Variants in TGFA observed in about 807,000 individuals in gnomAD.
TGFA encodes the protein protransforming growth factor alpha.
In TGFA, 12 loss-of-function variants were observed where a neutral mutation model predicts 21.7. The ratio of observed to expected loss-of-function variants is 0.55; its 90% confidence interval spans 0.35 to 0.90. The LOEUF is 0.90. TGFA is among the 40% of genes least tolerant of loss of function. The probability of loss-of-function intolerance (pLI) is 0.01; values close to 1 mark genes in which losing one functional copy is unlikely to be tolerated. For missense variants in TGFA, 178 were observed against 210.8 expected (o/e 0.84, Z 0.96); for synonymous variants, 79 against 88.1 (o/e 0.90, Z 0.58).
At chr2:70,480,859 T>C (rs1425532396) in intron 2 of TGFA, among the ~76,000 whole-genome samples, 1 of 151,178 alleles carries the variant, frequency 6.6e-6, no homozygotes, top group African/African-American at 2.4e-5. Flanking sequence ...TGAGGAAAAC[T>C]CCATGCCAAC....
intron 2 of TGFA, among the ~76,000 whole-genome samples, chr2:70,481,125 T>A (rs560784311): frequency 1.3e-5 from 2 of 152,246 alleles, no homozygotes; most frequent in African/African-American, 4.8e-5. Flanking sequence ...AATGAAGCCC[T>A]AAGGGTCTCA....
chr2:70,471,535 G>T (rs542147158), intron 2 of TGFA, among the ~76,000 whole-genome samples: 1 of 152,314 alleles, frequency 6.6e-6, no homozygotes, highest in Admixed American at 6.5e-5. Flanking sequence ...TCATTTGAGG[G>T]CCTTTAAAGG....
chr2:70,521,617 G>GTTTTTTTT (rs35177436), intron 1 of TGFA, among the ~76,000 whole-genome samples: 74 of 87,084 alleles, frequency 8.5e-4, no homozygotes, highest in Non-Finnish European at 1.1e-3. Context: ...TTGTTTGTTT[G>GTTTTTTTT]TTTTTTTTTT....
chr2:70,453,207 A>G lies in TGFA; in HGVS notation c.475+11T>C, dbSNP rs1553489937. The G allele has an allele frequency of 2.5e-6, 4 of 1,609,456 alleles. No individual in the cohort carries two copies. Among genetic ancestry groups the G allele is most frequent in the Non-Finnish European group, 3.4e-6 (4 of 1,176,288 alleles). The stretch of plus-strand genomic sequence containing the variant: ...CCAATAGTGTCTCCCACCAGAGAAG[A>G]GTCTCCTTACCTGTTTCTGAGTGGC... On this transcript the variant is annotated intron_variant, in intron 5 of 5. Coordinates refer to ENST00000295400, the MANE Select transcript of TGFA (RefSeq NM_003236.4).
At chr2:70,534,181 G>C (rs1553504082) in intron 1 of TGFA, among the ~76,000 whole-genome samples, 1 of 152,204 alleles carries the variant, frequency 6.6e-6, no homozygotes, top group Admixed American at 6.5e-5. Context: ...CTCATCTGCT[G>C]TTCCTTCAAG....
intron 4 of TGFA, 38 bp downstream of exon 4, chr2:70,456,301 G>A: frequency 1.3e-6 from 2 of 1,526,840 alleles, no homozygotes; most frequent in Non-Finnish European, 1.8e-6. Flanking sequence ...TAGGGGAGGT[G>A]GGCAGGGGAC....
rs1361394841 is a variant in TGFA at position 70,504,479 on chromosome 2, T to TACACACAC, written c.94+10379_94+10380insGTGTGTGT. Reference sequence around the variant, plus strand: ...ATATATATATACACACATACATACATACATACACACACACACACACACACA... The same window carrying TACACACAC: ...ATATATATATACACACATACATACATACACACACACATACACACACACACACACACACA... On this transcript the variant is annotated intron_variant, in intron 2 of 5. Transcript: ENST00000295400. Among the ~76,000 whole-genome samples, 122 of 87,256 alleles carry TACACACAC rather than the reference T, an allele frequency of 1.4e-3. 1 individual carries two copies. The highest frequency in any genetic ancestry group is 8.6e-3 in the South Asian group (25 of 2,896). 57.2% of individuals were successfully genotyped at this position (87,256 alleles called of 152,430 possible).
chr2:70,491,368 C>A (rs969934527), intron 2 of TGFA, among the ~76,000 whole-genome samples: 3 of 152,082 alleles, frequency 2.0e-5, no homozygotes, highest in Admixed American at 6.5e-5. Context: ...GTGTGGGGGG[C>A]CCAAAACCCT....
intron 2 of TGFA, among the ~76,000 whole-genome samples, chr2:70,471,165 G>A (rs1054479712): frequency 1.0e-4 from 15 of 148,562 alleles, no homozygotes; most frequent in African/African-American, 3.8e-4. Context: ...TCAAGTTCGA[G>A]GTTCTTTGCG....
At chr2:70,506,826 G>C (rs1553500203) in intron 2 of TGFA, among the ~76,000 whole-genome samples, 2 of 152,194 alleles carry the variant, frequency 1.3e-5, no homozygotes, top group African/African-American at 2.4e-5. Flanking sequence ...AACTTGGACT[G>C]TCTGGTTTCA....
intron 1 of TGFA, among the ~76,000 whole-genome samples, chr2:70,527,705 A>G (rs1672681210): frequency 6.6e-6 from 1 of 152,240 alleles, no homozygotes; most frequent in Non-Finnish European, 1.5e-5. Context: ...GATGTTAATA[A>G]CAGGTGAAAC....
At chr2:70,524,482 G>A (rs1672571742) in intron 1 of TGFA, among the ~76,000 whole-genome samples, 1 of 152,244 alleles carries the variant, frequency 6.6e-6, no homozygotes, top group Non-Finnish European at 1.5e-5. Context: ...GGAATTTCAA[G>A]GCAACAGGGC....
rs905687926 is a variant in TGFA, at chr2:70,491,992, T to C, written c.94+22867A>G. 3.9e-5 allele frequency among the ~76,000 whole-genome samples: 6 copies of C among 152,228 alleles called. No homozygotes were observed. The South Asian group carries it at 1.2e-3, about 32-fold the overall frequency. The stretch of plus-strand genomic sequence containing the variant: ...AAATATTAACTTAGCTCTTTCCTTG[T>C]GCAGGAATACTTGGCTAGATGCTGC... On this transcript the variant is annotated intron_variant, in intron 2 of 5. Coordinates refer to ENST00000295400, the MANE Select transcript of TGFA (RefSeq NM_003236.4).
At chr2:70,500,373 T>C (rs572819458) in intron 2 of TGFA, among the ~76,000 whole-genome samples, 3 of 152,298 alleles carry the variant, frequency 2.0e-5, no homozygotes, top group South Asian at 4.1e-4. Flanking sequence ...TTTTAAAATA[T>C]TGGTATCATC....
chr2:70,530,638 T>A (rs1553503623), intron 1 of TGFA, among the ~76,000 whole-genome samples: 1 of 152,242 alleles, frequency 6.6e-6, no homozygotes, highest in Non-Finnish European at 1.5e-5. Flanking sequence ...CAGGTTTACT[T>A]ATAAGACATG....
At chr2:70,545,635 A>G (rs1553505777) in intron 1 of TGFA, among the ~76,000 whole-genome samples, 1 of 152,190 alleles carries the variant, frequency 6.6e-6, no homozygotes, top group East Asian at 1.9e-4. Context: ...AATATATGAG[A>G]TCACTAAAGA....
chr2:70,464,360 G>C (rs1178008060), intron 3 of TGFA, among the ~76,000 whole-genome samples: 1 of 152,186 alleles, frequency 6.6e-6, no homozygotes, highest in Non-Finnish European at 1.5e-5. Context: ...AACCTTAATA[G>C]GTGCCAGTTT....
chr2:70,451,290 C>T (rs1670050787), intron 5 of TGFA, among the ~76,000 whole-genome samples: 1 of 152,206 alleles, frequency 6.6e-6, no homozygotes, highest in South Asian at 2.1e-4. Context: ...TTTTCAATGG[C>T]TGGGCCCTGA....
At chr2:70,495,391 C>T (rs1418937466) in intron 2 of TGFA, among the ~76,000 whole-genome samples, 1 of 152,180 alleles carries the variant, frequency 6.6e-6, no homozygotes, top group Non-Finnish European at 1.5e-5. Context: ...TTTCTTGTGC[C>T]TTAAAGGTGA....
Sources: gnomAD v4.1 joint callset for allele counts (sites outside exome capture counted in the v4.1 genomes callset) on GRCh38, gnomAD v4.1.1 for gene constraint, MANE v1.5 for transcripts, NCBI Gene and HGNC (gene_info 2026-07-23, HGNC 2026-07-21) for gene names.